Variants in SKI observed in about 807,000 individuals in gnomAD.
The protein encoded by SKI is SKI proto-oncogene, also known as ski oncogene.
In SKI, 23 loss-of-function variants were observed where a neutral mutation model predicts 59.3. That is an observed-to-expected ratio of 0.39 (90% CI 0.28 to 0.55). The LOEUF (loss-of-function observed/expected upper bound fraction) is 0.55, where lower values mean the gene tolerates loss of function less well. Ranked by LOEUF, SKI falls within the 20% of genes least tolerant of loss-of-function variation. The pLI, the probability that SKI is intolerant of heterozygous loss-of-function variation, is 0.67. For synonymous variants in SKI, 673 were observed against 488.6 expected (o/e 1.38, Z -4.98); for missense variants, 1,017 against 1,038.9 (o/e 0.98, Z 0.29).
At chr1:2,284,694 G>A (rs953810078) in intron 1 of SKI, among the ~76,000 whole-genome samples, 3 of 152,214 alleles carry the variant, frequency 2.0e-5, no homozygotes, top group African/African-American at 7.2e-5. Flanking sequence ...ACCGGCCTAT[G>A]AGCCCTCCCT....
chr1:2,271,794 T>A lies in SKI; in HGVS notation c.970-31184T>A, dbSNP rs1019084353. On this transcript the variant is annotated intron_variant, in intron 1 of 6. Coordinates refer to ENST00000378536, the MANE Select transcript of SKI (RefSeq NM_003036.4). ...ATGCAGGCCTCCCCCCAACCTCACG[T>A]CCAGGTCTGTTGCCGAGGGGCCAGG... is the stretch of plus-strand genomic sequence containing the variant. 6.6e-5 allele frequency among the ~76,000 whole-genome samples: 10 copies of A among 152,064 alleles called. No homozygotes were observed. The East Asian group carries it at 1.7e-3, about 26-fold the overall frequency.
At chr1:2,305,921 G>A (rs1356314010) in intron 5 of SKI, 99 bp from the exon 6 acceptor site, 3 of 954,466 alleles carry the variant, frequency 3.1e-6, no homozygotes, top group Admixed American at 4.0e-5. Flanking sequence ...CACATTGTCA[G>A]ATAGATGACC....
chr1:2,286,913 A>G (rs951820415), intron 1 of SKI, among the ~76,000 whole-genome samples: 1 of 152,252 alleles, frequency 6.6e-6, no homozygotes, highest in Non-Finnish European at 1.5e-5. Flanking sequence ...AACTTTGCTT[A>G]TAAAAGAACA....
rs1010245755 is a variant in SKI at position 2,304,472 on chromosome 1, G to A, written c.1654G>A (p.Gly552Ser). The change falls in exon 5 of 7, where the codon GGC becomes AGC. Residue 552 changes from glycine to serine, a missense_variant. Transcript: ENST00000378536. ...LEHLRQALEG[G>S]LDTKEAKEKF... ...GCACCTGCGGCAGGCACTGGAGGGC[G>A]GCCTGGACACCAAGGAAGCCAAAGA... The A allele has an allele frequency of 8.9e-6, 14 of 1,572,952 alleles. No individual in the cohort carries two copies. The highest frequency in any genetic ancestry group is 6.8e-5 in the African/African-American group (5 of 73,644).
At chr1:2,277,893 T>G (rs1639780288) in intron 1 of SKI, among the ~76,000 whole-genome samples, 1 of 151,432 alleles carries the variant, frequency 6.6e-6, no homozygotes, top group South Asian at 2.1e-4. Context: ...CGCACACACC[T>G]GCACTCAACG....
intron 1 of SKI, among the ~76,000 whole-genome samples, chr1:2,253,551 A>G (rs1352206069): frequency 6.6e-6 from 1 of 152,200 alleles, no homozygotes; most frequent in East Asian, 1.9e-4. Context: ...TCCTGCACAT[A>G]TGCCCTGTCT....
rs1342068391 is a variant in SKI at position 2,267,425 on chromosome 1, G to A, written c.970-35553G>A. On this transcript the variant is annotated intron_variant, in intron 1 of 6. Coordinates refer to ENST00000378536, the MANE Select transcript of SKI (RefSeq NM_003036.4). The surrounding 1 kb of genome is among the most constrained non-coding windows in gnomAD (Gnocchi z 4.1). ...GGGCCGTTCGGGCCGGAGCAGGTGC[G>A]ACAGGAATGTCCCACGTCCTCTCGT... Among the ~76,000 whole-genome samples, 1 of 152,194 alleles carries A rather than the reference G, an allele frequency of 6.6e-6. No homozygotes were observed. The highest frequency in any genetic ancestry group is 2.1e-4 in the South Asian group (1 of 4,834).
chr1:2,233,694 C>CTT (rs894995838), intron 1 of SKI, among the ~76,000 whole-genome samples: 3 of 152,132 alleles, frequency 2.0e-5, no homozygotes, highest in African/African-American at 7.2e-5. Context: ...GGTGGTCGGG[C>CTT]TTGAGACCTT....
intron 1 of SKI, among the ~76,000 whole-genome samples, chr1:2,277,607 C>G (rs984723253): frequency 1.3e-5 from 2 of 152,214 alleles, no homozygotes; most frequent in African/African-American, 4.8e-5. Flanking sequence ...TCGGGTATAT[C>G]TTCTTCAGCA....
chr1:2,254,886 CACA>C (rs1488286934), intron 1 of SKI, among the ~76,000 whole-genome samples: 3 of 152,160 alleles, frequency 2.0e-5, no homozygotes, highest in African/African-American at 7.2e-5. Flanking sequence ...TGGAGACAGC[CACA>C]ACAACACTTC....
intron 6 of SKI, 73 bp from the exon 7 acceptor site, chr1:2,306,504 C>T (rs1021867937): frequency 4.8e-6 from 7 of 1,451,390 alleles, no homozygotes; most frequent in African/African-American, 1.4e-5. Flanking sequence ...GCAGGAGCCT[C>T]GGGTGGGGGA....
rs1219474662 is a variant in SKI at position 2,303,183 on chromosome 1, C to A, written c.1095+80C>A. ...TGGGCAGACCCAGCGGCTGGCAGCT[C>A]CACCTGCCCGCTACTGAGGGCTGGC... On this transcript the variant is annotated intron_variant, in intron 2 of 6. Transcript: ENST00000378536. This position sits in a 1 kb window ranked among gnomAD's most constrained non-coding sequence, Gnocchi z 5.6. 41 of 1,601,698 alleles carry A rather than the reference C, an allele frequency of 2.6e-5. No individual in the cohort carries two copies. Among genetic ancestry groups the A allele is most frequent in the Non-Finnish European group, 4.3e-6 (5 of 1,171,106 alleles).
At chr1:2,238,409 C>T (rs1638797236) in intron 1 of SKI, among the ~76,000 whole-genome samples, 1 of 152,356 alleles carries the variant, frequency 6.6e-6, no homozygotes, top group South Asian at 2.1e-4. Context: ...ACACGGTACC[C>T]AGGACAGGCC....
Position 2,228,658 on chromosome 1 carries a change from C to T in SKI, c.-109C>T. The T allele has an allele frequency of 2.2e-6, 1 of 464,590 alleles. No individual in the cohort carries two copies. The allele number at this position is 464,590 out of a possible 1,614,324, so 28.8% of individuals were successfully genotyped here. ...TCGGCCGTGAGCCGGCGGCGGGGGG[C>T]GGCCGGGGTCGGGGCCGCGGGCGCC... On this transcript the variant is annotated 5_prime_UTR_variant, in exon 1 of 7. Transcript: ENST00000378536.
rs899307828 is a variant in SKI, at chr1:2,266,852, A to G, written c.970-36126A>G. 7.9e-5 allele frequency among the ~76,000 whole-genome samples: 12 copies of G among 152,278 alleles called. No individual in the cohort carries two copies. The East Asian group carries it at 1.9e-3, about 25-fold the overall frequency. On this transcript the variant is annotated intron_variant, in intron 1 of 6. Coordinates refer to ENST00000378536, the MANE Select transcript of SKI (RefSeq NM_003036.4). ...GGCTGAGGCTCTTGTTGTGGGAGAA[A>G]GTTGCTCAGGGCCAAGTTTCAGATA...
chr1:2,305,731 C>T (rs1281054403), intron 5 of SKI, among the ~76,000 whole-genome samples: 5 of 152,180 alleles, frequency 3.3e-5, no homozygotes, highest in African/African-American at 9.6e-5. Flanking sequence ...CCAAGGGGAA[C>T]GTGGCCCTAG....
At chr1:2,287,873 G>GGCCCCACCCCGA (rs1553198414) in intron 1 of SKI, among the ~76,000 whole-genome samples, 2 of 152,196 alleles carry the variant, frequency 1.3e-5, no homozygotes, top group Non-Finnish European at 2.9e-5. Context: ...ACCGCCCTCC[G>GGCCCCACCCCGA]GCCCCACCCC....
intron 1 of SKI, among the ~76,000 whole-genome samples, chr1:2,246,775 G>A (rs1053452101): frequency 2.6e-5 from 4 of 152,152 alleles, no homozygotes; most frequent in Admixed American, 1.3e-4. Context: ...TGCGGCAGTC[G>A]GGCCTGATGG....
intron 1 of SKI, among the ~76,000 whole-genome samples, chr1:2,255,728 T>C (rs1270821266): frequency 3.3e-5 from 5 of 150,438 alleles, no homozygotes; most frequent in Admixed American, 1.3e-4. Flanking sequence ...TGTATCCTGA[T>C]ATCATTTCCT....
Sources: gnomAD v4.1 joint callset for allele counts (sites outside exome capture counted in the v4.1 genomes callset) on GRCh38, gnomAD v4.1.1 for gene constraint, Gnocchi (gnomAD v3.1) non-coding constraint, MANE v1.5 for transcripts, NCBI Gene and HGNC (gene_info 2026-07-23, HGNC 2026-07-21) for gene names.